The following EPB41L4A variants were observed in gnomAD, a reference collection of about 807,000 sequenced individuals.
EPB41L4A encodes the protein band 4.1-like protein 4A.
EPB41L4A carries 100 observed loss-of-function variants against 108.6 expected under a neutral mutation model. The ratio of observed to expected loss-of-function variants is 0.92; its 90% CI spans 0.78 to 1.09. The LOEUF (loss-of-function observed/expected upper bound fraction) is 1.09, where lower values mean the gene tolerates loss of function less well. EPB41L4A is among the 50% of genes least tolerant of loss of function. The pLI, the probability that EPB41L4A is intolerant of heterozygous loss-of-function variation, is 0.00. For missense variants in EPB41L4A, 1,030 were observed against 842.7 expected (o/e 1.22, Z -2.75); for synonymous variants, 319 against 289.0 (o/e 1.10, Z -1.05).
At chr5:112,294,168 A>C (rs570455675) in intron 2 of EPB41L4A, among the ~76,000 whole-genome samples, 1 of 152,212 alleles carries the variant, frequency 6.6e-6, no homozygotes. Context: ...AGAATTTTCA[A>C]TCTAACTTCC....
chr5:112,372,897 G>C (rs1254361513), intron 1 of EPB41L4A, among the ~76,000 whole-genome samples: 1 of 152,150 alleles, frequency 6.6e-6, no homozygotes, highest in Non-Finnish European at 1.5e-5. Flanking sequence ...GAGATAGAGA[G>C]GGGTAGACAG....
At chr5:112,213,720 T>C (rs1194505823) in intron 12 of EPB41L4A, among the ~76,000 whole-genome samples, 1 of 152,190 alleles carries the variant, frequency 6.6e-6, no homozygotes, top group Non-Finnish European at 1.5e-5. Context: ...CTATAACAAA[T>C]GTGAACTAGA....
rs1412142897 is a variant in EPB41L4A at position 112,165,055 on chromosome 5, C to T, written c.1996G>A (p.Ala666Thr). Residue 666 changes from alanine to threonine, a missense_variant, in exon 23 of 23, where the codon GCT becomes ACT. By Grantham distance (58) the Ala-to-Thr change is moderately conservative (BLOSUM62 0). Coordinates refer to ENST00000261486, the MANE Select transcript of EPB41L4A (RefSeq NM_022140.5). ...ATTGTTTTTGCTGTGTGTTTTCCAG[C>T]CAGGTTGTTTGTAGATGTCTGAGGT... ...EKPQTSTNNL[A>T]GKHTAKTIKT... is the part of the protein sequence containing the mutation. The T allele has an allele frequency of 6.2e-7, 1 of 1,613,866 alleles. No individual in the cohort carries two copies. The highest frequency in any genetic ancestry group is 8.5e-7 in the Non-Finnish European group (1 of 1,179,882).
At chr5:112,248,248 A>G (rs965998240) in intron 9 of EPB41L4A, among the ~76,000 whole-genome samples, 2 of 152,194 alleles carry the variant, frequency 1.3e-5, no homozygotes, top group African/African-American at 4.8e-5. Context: ...TTCCACTGCC[A>G]TGGCATTTCA....
intron 1 of EPB41L4A, among the ~76,000 whole-genome samples, chr5:112,378,424 T>C (rs1010231072): frequency 3.3e-5 from 5 of 152,206 alleles, no homozygotes; most frequent in African/African-American, 1.2e-4. Context: ...CCATAGTTGA[T>C]ATAATCTTAA....
intron 7 of EPB41L4A, 52 bp from the exon 8 acceptor site, chr5:112,260,031 G>T (rs1751390290): frequency 7.8e-7 from 1 of 1,281,448 alleles, no homozygotes; most frequent in Non-Finnish European, 1.1e-6. Flanking sequence ...AAATCTCTTT[G>T]TCAAACTATA....
intron 15 of EPB41L4A, among the ~76,000 whole-genome samples, chr5:112,196,166 T>C (rs1325811512): frequency 6.6e-6 from 1 of 152,194 alleles, no homozygotes; most frequent in African/African-American, 2.4e-5. Flanking sequence ...CACTTTGCTC[T>C]CTTACCACAA....
intron 1 of EPB41L4A, among the ~76,000 whole-genome samples, chr5:112,354,776 A>T (rs1369415119): frequency 6.6e-6 from 1 of 152,192 alleles, no homozygotes; most frequent in African/African-American, 2.4e-5. Context: ...TTCACAATTG[A>T]TCTAGTTCAA....
chr5:112,292,372 G>T (rs1435709160), intron 2 of EPB41L4A, among the ~76,000 whole-genome samples: 1 of 152,134 alleles, frequency 6.6e-6, no homozygotes, highest in Non-Finnish European at 1.5e-5. Context: ...CTCCAATACT[G>T]ATGGGTATCA....
chr5:112,318,854 G>C (rs559095044), intron 1 of EPB41L4A, among the ~76,000 whole-genome samples: 3 of 152,092 alleles, frequency 2.0e-5, no homozygotes, highest in African/African-American at 4.8e-5. Flanking sequence ...GGTAACATAC[G>C]TATGTTACAC....
At chr5:112,202,214 A>G (rs1762253750) in intron 15 of EPB41L4A, among the ~76,000 whole-genome samples, 1 of 152,200 alleles carries the variant, frequency 6.6e-6, no homozygotes, top group Admixed American at 6.5e-5. Flanking sequence ...AGTGTCAGCA[A>G]GAGTGGTCCC....
upstream of EPB41L4A, chr5:112,419,888 G>A (rs1215189903): frequency 2.2e-6 from 1 of 456,656 alleles, no homozygotes; most frequent in African/African-American, 2.0e-5. Flanking sequence ...CGCGGCGGCG[G>A]AATACGGCTT....
chr5:112,365,454 C>T (rs1759062326), intron 1 of EPB41L4A, among the ~76,000 whole-genome samples: 1 of 150,432 alleles, frequency 6.6e-6, no homozygotes, highest in African/African-American at 2.5e-5. Flanking sequence ...TTAATATCAA[C>T]TCCCCTAGAC....
chr5:112,205,339 A>G, intron 14 of EPB41L4A, 82 bp downstream of exon 14: 1 of 1,170,280 alleles, frequency 8.5e-7, no homozygotes, highest in Non-Finnish European at 1.3e-6. Context: ...GCCACCCAGC[A>G]GCTGGATTCC....
At chr5:112,194,688 AT>A in intron 16 of EPB41L4A, 43 bp from the exon 17 acceptor site, 1 of 1,388,194 alleles carries the variant, frequency 7.2e-7, no homozygotes, top group Non-Finnish European at 1.0e-6. Context: ...ACACACATTT[AT>A]AACTCACGAA....
At chr5:112,190,235 T>C (rs1008396732) in intron 17 of EPB41L4A, among the ~76,000 whole-genome samples, 1 of 152,188 alleles carries the variant, frequency 6.6e-6, no homozygotes, top group African/African-American at 2.4e-5. Flanking sequence ...TACCAGTGAA[T>C]TGAAACACCA....
At position 112,300,845 on chromosome 5, in the gene EPB41L4A, T is replaced by G. The variant is rs547520916; in HGVS notation, c.204+6541A>C. On this transcript the variant is annotated intron_variant, in intron 2 of 22. Transcript: ENST00000261486. ...TTGGAGGTTTTGTTCATTTTTTTAATGCTTTTTTCTTAGTCTTTGTTGGAC... is the reference window on the plus strand; with the variant it reads ...TTGGAGGTTTTGTTCATTTTTTTAAGGCTTTTTTCTTAGTCTTTGTTGGAC... Among the ~76,000 whole-genome samples the G allele has an allele frequency of 7.2e-5, 11 of 152,302 alleles. No individual in the cohort carries two copies. In the East Asian group the frequency reaches 1.3e-3, roughly 19 times the overall value.
At chr5:112,358,441 A>T (rs1758503348) in intron 1 of EPB41L4A, among the ~76,000 whole-genome samples, 1 of 152,230 alleles carries the variant, frequency 6.6e-6, no homozygotes, top group Admixed American at 6.5e-5. Context: ...GAATTTCTTA[A>T]TCTAAGATCC....
At chr5:112,343,164 T>C (rs1032572596) in intron 1 of EPB41L4A, among the ~76,000 whole-genome samples, 2 of 152,206 alleles carry the variant, frequency 1.3e-5, no homozygotes, top group Non-Finnish European at 2.9e-5. Flanking sequence ...CTTTGAAGCA[T>C]TAATTGATTC....
Sources: gnomAD v4.1 joint callset for allele counts (sites outside exome capture counted in the v4.1 genomes callset) on GRCh38, gnomAD v4.1.1 for gene constraint, MANE v1.5 for transcripts, NCBI Gene and HGNC (gene_info 2026-07-23, HGNC 2026-07-21) for gene names.